The following SEC16A variants were observed in gnomAD, a reference collection of about 807,000 sequenced individuals.
The protein encoded by SEC16A is SEC16 homolog A, endoplasmic reticulum export factor.
In SEC16A, 110 loss-of-function variants were observed where a neutral mutation model predicts 221.9. The ratio of observed to expected loss-of-function variants is 0.50; its 90% CI spans 0.42 to 0.58. The LOEUF (loss-of-function observed/expected upper bound fraction) is 0.58, where lower values mean the gene tolerates loss of function less well. Ranked by LOEUF, SEC16A falls within the 20% of genes least tolerant of loss-of-function variation. SEC16A has a pLI of 0.00. For missense variants in SEC16A, 3,165 were observed against 3,097.8 expected (o/e 1.02, Z -0.52); for synonymous variants, 1,393 against 1,257.7 (o/e 1.11, Z -2.28).
intron 3 of SEC16A, among the ~76,000 whole-genome samples, chr9:136,472,809 T>C (rs1233085388): frequency 6.6e-6 from 1 of 152,170 alleles, no homozygotes. Flanking sequence ...TGGCAGGAAA[T>C]GTGAAATCAC....
Position 136,472,133 on chromosome 9 carries a change from C to T in SEC16A, c.3568-22G>A. ...CATCCTGTGGGAGGAAGCATTTGGG[C>T]AGGATTAGACACCAATCAAGAGCAA... On this transcript the variant is annotated intron_variant, in intron 3 of 31. Coordinates refer to ENST00000684901, the MANE Select transcript of SEC16A (RefSeq NM_014866.2). The T allele has an allele frequency of 1.9e-6, 3 of 1,612,622 alleles. No individual in the cohort carries two copies. The African/African-American group carries it at 4.0e-5, about 21-fold the overall frequency.
chr9:136,451,316 G>T lies in SEC16A; in HGVS notation c.6252C>A (p.Pro2084=). The T allele has an allele frequency of 6.2e-7, 1 of 1,613,620 alleles. No homozygotes were observed. The highest frequency in any genetic ancestry group is 8.5e-7 in the Non-Finnish European group (1 of 1,179,722). Residue 2084 remains proline, a synonymous_variant, in exon 23 of 32, where the codon CCC becomes CCA. Coordinates refer to ENST00000684901, the MANE Select transcript of SEC16A (RefSeq NM_014866.2). The stretch of plus-strand genomic sequence containing the variant: ...GTCCGGGTCTCTTTGTTTCGGGAGC[G>T]GGTGAGAGAGACAGAGGTGGCTGCG... ...GPTQPPLSLS[P]APETKRPGQA...
At chr9:136,450,578 C>T (rs188678967) in intron 23 of SEC16A, among the ~76,000 whole-genome samples, 8 of 152,182 alleles carry the variant, frequency 5.3e-5, no homozygotes, top group Non-Finnish European at 8.8e-5. Context: ...CGTCACACCT[C>T]GCTGTGGAGA....
Position 136,466,385 on chromosome 9 carries a change from CTG to C in SEC16A, c.4005_4006del (p.His1335GlnfsTer108). 1 of 1,602,322 alleles carries C rather than the reference CTG, an allele frequency of 6.2e-7. No homozygotes were observed. Among genetic ancestry groups the C allele is most frequent in the Non-Finnish European group, 8.5e-7 (1 of 1,174,618 alleles). The stretch of plus-strand genomic sequence containing the variant: ...GTCCACCTCTTCCCCATAAGGGTCT[CTG>C]TGCGGATCGGGGTCATCGTCAAAAC... On this transcript the variant is annotated frameshift_variant, in exon 7 of 32. Coordinates refer to ENST00000684901, the MANE Select transcript of SEC16A (RefSeq NM_014866.2). LOFTEE classifies it high-confidence loss of function. This position sits in a 1 kb window ranked among gnomAD's most constrained non-coding sequence, Gnocchi z 5.5.
Position 136,448,114 on chromosome 9 carries a change from TTCTG to T in SEC16A, c.6356_6359del (p.Thr2119LysfsTer22). On this transcript the variant is annotated frameshift_variant, in exon 24 of 32. Transcript: ENST00000684901. LOFTEE classifies it high-confidence loss of function. Reference sequence around the variant, plus strand: ...TGTTCTTGTCATCTGGCAAATAAGCTTCTGTCTTTTTCTTTCCAGGTAGCCAACG... The same window carrying T: ...TGTTCTTGTCATCTGGCAAATAAGCTTCTTTTTCTTTCCAGGTAGCCAACG... The T allele has an allele frequency of 6.2e-7, 1 of 1,613,482 alleles. No individual in the cohort carries two copies. The highest frequency in any genetic ancestry group is 8.5e-7 in the Non-Finnish European group (1 of 1,179,668).
In SEC16A at chr9:136,447,314, G is replaced by C; in HGVS notation, c.6610C>G (p.Arg2204Gly). ...VDVLNPSGTQ[R>G]SEPALAPADF... The stretch of plus-strand genomic sequence containing the variant: ...GCAGGAGCGAGAGCCGGCTCGCTCC[G>C]CTGGGTCCCGCTTGGGTTCAGGACG... Residue 2204 changes from arginine to glycine, a missense_variant, in exon 27 of 32, where the codon CGG becomes GGG. This residue lies in a region of SEC16A where 1,088 missense variants were observed against 1,089.6 expected (regional missense o/e 1.00). Transcript: ENST00000684901. The surrounding 1 kb of genome is among the most constrained non-coding windows in gnomAD (Gnocchi z 5.5). 1 of 1,593,488 alleles carries C rather than the reference G, an allele frequency of 6.3e-7. No homozygotes were observed.
rs1307809801 is a variant in SEC16A at position 136,471,977 on chromosome 9, G to A, written c.3702C>T (p.Pro1234=). 2 of 1,611,584 alleles carry A rather than the reference G, an allele frequency of 1.2e-6. No homozygotes were observed. Among genetic ancestry groups the A allele is most frequent in the African/African-American group, 1.3e-5 (1 of 74,936 alleles). ...RASHSSERPP[P]RQGYPEGYYS... ...AGCCAGGGTGGGCGCGGCCGCACCT[G>A]GGAGGTGGCCGTTCCGAGGAGTGGC... Residue 1234 remains proline, a splice_region_variant and synonymous_variant, in exon 4 of 32, where the codon CCC becomes CCT. Coordinates refer to ENST00000684901, the MANE Select transcript of SEC16A (RefSeq NM_014866.2).
chr9:136,443,888 G>C lies in SEC16A; in HGVS notation c.6940C>G (p.Leu2314Val). Residue 2314 changes from leucine to valine, a missense_variant, in exon 31 of 32, where the codon CTC becomes GTC. Leu to Val is a conservative substitution (Grantham distance 32). Transcript: ENST00000684901. ...SQHFNQAPGD[L>V]PAAGGPPSGA... is the part of the protein sequence containing the mutation. ...CTGGGAGGGCCCCCTGCAGCAGGGA[G>C]GTCGCCAGGAGCCTGAGAAGCACAG... 1 of 1,610,070 alleles carries C rather than the reference G, an allele frequency of 6.2e-7. No individual in the cohort carries two copies. The highest frequency in any genetic ancestry group is 8.5e-7 in the Non-Finnish European group (1 of 1,178,378).
chr9:136,441,591 A>C lies in SEC16A; in HGVS notation c.*164T>G. 1.7e-6 allele frequency: 1 copy of C among 596,246 alleles called. No homozygotes were observed. Among genetic ancestry groups the C allele is most frequent in the African/African-American group, 1.8e-5 (1 of 54,410 alleles). The allele number at this position is 596,246 out of a possible 1,614,324, so 36.9% of individuals were successfully genotyped here. ...GGATGGTGGAATTAATTTTCAAAAT[A>C]ATTCATTACGATGGGCGGTGAGGAG... On this transcript the variant is annotated 3_prime_UTR_variant, in exon 32 of 32. Transcript: ENST00000684901.
chr9:136,460,056 G>A lies in SEC16A; in HGVS notation c.5059C>T (p.Pro1687Ser). The change falls in exon 14 of 32, where the codon CCT becomes TCT. Residue 1687 changes from proline to serine, a missense_variant. Physicochemically the swap from Pro to Ser is moderately conservative, Grantham distance 74. Coordinates refer to ENST00000684901, the MANE Select transcript of SEC16A (RefSeq NM_014866.2). ...TVYQLMSGRM[P>S]AASTCCGDEK... ...GTGCCACTCACCGTGGACGCGGCAG[G>A]CATCCGTCCGGACATGAGCTGGTAG... 6.2e-7 allele frequency: 1 copy of A among 1,604,910 alleles called. No homozygotes were observed. The highest frequency in any genetic ancestry group is 1.1e-5 in the South Asian group (1 of 89,286).
chr9:136,457,715 C>A lies in SEC16A; in HGVS notation c.5410-131G>T, dbSNP rs1666333180. Reference sequence around the variant, plus strand: ...CCTGTGAGCTGTGAACTCTTCTGGACACTTCACTCATCATCGTCTCCCACC... The same window carrying A: ...CCTGTGAGCTGTGAACTCTTCTGGAAACTTCACTCATCATCGTCTCCCACC... On this transcript the variant is annotated intron_variant, in intron 17 of 31. Transcript: ENST00000684901. 3.6e-6 allele frequency: 4 copies of A among 1,126,606 alleles called. No homozygotes were observed. In the South Asian group the frequency reaches 6.6e-5, roughly 19 times the overall value. The allele number at this position is 1,126,606 out of a possible 1,614,324, so 69.8% of individuals were successfully genotyped here. A position where few individuals can be genotyped will look rare whatever the true frequency, so the allele number is the denominator to read the frequency against.
Position 136,459,962 on chromosome 9 carries a change from C to T in SEC16A, c.5073+80G>A, listed in dbSNP as rs568833917. 45 of 1,531,522 alleles carry T rather than the reference C, an allele frequency of 2.9e-5. No homozygotes were observed. Among genetic ancestry groups the T allele is most frequent in the Admixed American group, 5.6e-5 (3 of 53,152 alleles). 94.9% of individuals were successfully genotyped at this position (1,531,522 alleles called of 1,614,324 possible). ...ACAGCTGGGCTCACCAGGCACCTCA[C>T]GGCCTGTGACAGCGTCACCCACGAG... On this transcript the variant is annotated intron_variant, in intron 14 of 31. Coordinates refer to ENST00000684901, the MANE Select transcript of SEC16A (RefSeq NM_014866.2). The surrounding 1 kb of genome is among the most constrained non-coding windows in gnomAD (Gnocchi z 6.1).
At chr9:136,455,147 A>G (rs1838439575) in intron 20 of SEC16A, among the ~76,000 whole-genome samples, 1 of 152,132 alleles carries the variant, frequency 6.6e-6, no homozygotes, top group South Asian at 2.1e-4. Context: ...TCACTGACGA[A>G]GGAAGCCGAG....
rs757973276 is a variant in SEC16A, at chr9:136,477,562, G to A, written c.54C>T (p.Ala18=). The change falls in exon 3 of 32, where the codon GCC becomes GCT. Residue 18 remains alanine, a synonymous_variant. Coordinates refer to ENST00000684901, the MANE Select transcript of SEC16A (RefSeq NM_014866.2). The part of the protein sequence containing the change: ...VPSGMAGPPP[A]GNPRSVFWAS... ...CCCAGAACACGCTCCGAGGATTCCC[G>A]GCTGGAGGTGGCCCAGCCATGCCAG... The A allele has an allele frequency of 2.2e-5, 36 of 1,612,688 alleles. No homozygotes were observed. Among genetic ancestry groups the A allele is most frequent in the South Asian group, 6.6e-5 (6 of 91,016 alleles).
intron 17 of SEC16A, among the ~76,000 whole-genome samples, chr9:136,457,948 T>C (rs75430702): frequency 0.023 from 3,506 of 152,168 alleles, 174 homozygotes; most frequent in African/African-American, 0.079. Flanking sequence ...AGACATTCTC[T>C]AGATACTTCA....
upstream of SEC16A, chr9:136,483,432 GC>G (rs1167127533): frequency 5.6e-6 from 1 of 179,600 alleles, no homozygotes; most frequent in Admixed American, 2.4e-4. Context: ...TGTCGTTCCC[GC>G]CCCTTTGGCC....
At position 136,474,817 on chromosome 9, in the gene SEC16A, A is replaced by T; in HGVS notation, c.2799T>A (p.Val933=). 6.2e-7 allele frequency: 1 copy of T among 1,613,958 alleles called. No homozygotes were observed. The highest frequency in any genetic ancestry group is 2.2e-5 in the East Asian group (1 of 44,884). ...NLLVQPPSQP[V]PENLVPESQK... The stretch of plus-strand genomic sequence containing the variant: ...GACTTTCTGGAACCAAGTTCTCTGG[A>T]ACTGGCTGGGATGGTGGTTGAACCA... The change falls in exon 3 of 32, where the codon GTT becomes GTA. Residue 933 remains valine (V), a synonymous_variant. Transcript: ENST00000684901.
Position 136,474,900 on chromosome 9 carries a change from T to TACTTTGGGCAAC in SEC16A, c.2704_2715dup (p.Val902_Ser905dup). 1.9e-6 allele frequency: 3 copies of TACTTTGGGCAAC among 1,613,652 alleles called. No homozygotes were observed. The highest frequency in any genetic ancestry group is 2.5e-6 in the Non-Finnish European group (3 of 1,179,842). On this transcript the variant is annotated inframe_insertion, in exon 3 of 32. Transcript: ENST00000684901. ...GAAGCACCAGAACCTTGTGGAAAAT[T>TACTTTGGGCAAC]ACTTTGGGCAACACTGCTAGGCAGA...
intron 17 of SEC16A, among the ~76,000 whole-genome samples, chr9:136,458,032 C>T (rs1838936659): frequency 6.6e-6 from 1 of 152,144 alleles, no homozygotes; most frequent in African/African-American, 2.4e-5. Context: ...TCACAGCTCA[C>T]TGCAGCCTCA....
Sources: allele counts gnomAD v4.1 joint callset (sites outside exome capture counted in the v4.1 genomes callset), GRCh38; gene constraint gnomAD v4.1.1; regional missense constraint gnomAD v4.1.1; non-coding constraint Gnocchi (gnomAD v3.1); transcripts MANE v1.5; gene names NCBI Gene and HGNC (gene_info 2026-07-23, HGNC 2026-07-21).